The following PCDHA8 variants were observed in gnomAD, a reference collection of about 807,000 sequenced individuals.
The protein encoded by PCDHA8 is protocadherin alpha-8.
PCDHA8 carries 53 observed loss-of-function variants against 61.8 expected under a neutral mutation model. The ratio of observed to expected loss-of-function variants is 0.86; its 90% CI spans 0.69 to 1.08. PCDHA8 has a LOEUF of 1.08. Ranked by LOEUF, PCDHA8 falls within the 50% of genes least tolerant of loss-of-function variation. The pLI is 0.00. For missense variants in PCDHA8, 1,293 were observed against 1,245.0 expected, an observed-to-expected ratio of 1.04 and a Z score of -0.58; for synonymous variants, 618 against 556.6, an observed-to-expected ratio of 1.11 and a Z score of -1.55.
At chr5:140,937,386 G>T (rs1450799946) in intron 1 of PCDHA8, among the ~76,000 whole-genome samples, 2 of 152,092 alleles carry the variant, frequency 1.3e-5, no homozygotes, top group African/African-American at 4.8e-5. Context: ...GTGTGTATGT[G>T]TATATAGGGG....
intron 1 of PCDHA8, among the ~76,000 whole-genome samples, chr5:140,895,632 A>T (rs2065081182): frequency 6.6e-6 from 1 of 152,052 alleles, no homozygotes; most frequent in South Asian, 2.1e-4. Context: ...GTCTTTTCAC[A>T]TTCTTTTTTA....
At chr5:140,918,252 C>T (rs931753296) in intron 1 of PCDHA8, among the ~76,000 whole-genome samples, 1 of 152,078 alleles carries the variant, frequency 6.6e-6, no homozygotes, top group East Asian at 1.9e-4. Context: ...TATGCTGAAA[C>T]TTTGCTGGAG....
intron 1 of PCDHA8, chr5:140,968,154 A>G (rs782200456): frequency 3.7e-6 from 6 of 1,614,162 alleles, no homozygotes; most frequent in South Asian, 1.1e-5. Flanking sequence ...TCTGACATCA[A>G]TGACAATCCA....
At chr5:140,853,141 A>G in intron 1 of PCDHA8, 1 of 767,574 alleles carries the variant, frequency 1.3e-6, no homozygotes, top group Non-Finnish European at 1.6e-6. Flanking sequence ...AGCCTCCCAA[A>G]ATGCTGGGAT....
chr5:140,942,617 TG>T (rs1223896117), intron 1 of PCDHA8, among the ~76,000 whole-genome samples: 4 of 100,138 alleles, frequency 4.0e-5, no homozygotes, highest in Admixed American at 9.6e-5. Flanking sequence ...ATTTGCCAAT[TG>T]TAAAAAAAAA....
chr5:140,850,292 C>G lies in PCDHA8; in HGVS notation c.2394+6577C>G, dbSNP rs2150478092. The stretch of plus-strand genomic sequence containing the variant: ...TGGGGAAGGTGCGCGCAGTGGACGC[C>G]GACTCGGGCTACAACGCGTGGCTTT... On this transcript the variant is annotated intron_variant, in intron 1 of 3. Transcript: ENST00000531613. 30 of 1,595,922 alleles carry G rather than the reference C, an allele frequency of 1.9e-5. 3 individuals are homozygous for G. The highest frequency in any genetic ancestry group is 6.7e-5 in the East Asian group (3 of 44,830).
At chr5:140,855,534 G>C (rs2043511154) in intron 1 of PCDHA8, among the ~76,000 whole-genome samples, 1 of 149,850 alleles carries the variant, frequency 6.7e-6, no homozygotes, top group Non-Finnish European at 1.5e-5. Context: ...AGAGAAGTAA[G>C]TTAAGTGTCA....
At chr5:140,847,483 T>C (rs1445193080) in intron 1 of PCDHA8, 2 of 149,968 alleles carry the variant, frequency 1.3e-5, no homozygotes, top group Non-Finnish European at 3.0e-5. Flanking sequence ...TGGAATAAGA[T>C]AGTAAAACTC....
Position 140,978,996 on chromosome 5 carries a change from A to C in PCDHA8, c.2442A>C (p.Ala814=). Residue 814 remains alanine, a synonymous_variant, in exon 2 of 4, where the codon GCA becomes GCC. Transcript: ENST00000531613. ...GGCGTTACTCTGCCTCCCTGAGAGC[A>C]GGCATGCACAGGTATGTATTTCCCT... ...PDWRYSASLR[A]GMHSSVHLEE... is the part of the protein sequence containing the mutation. 6.2e-7 allele frequency: 1 copy of C among 1,614,186 alleles called. No individual in the cohort carries two copies. The highest frequency in any genetic ancestry group is 8.5e-7 in the Non-Finnish European group (1 of 1,180,024).
At chr5:140,866,291 T>A (rs1193667769) in intron 1 of PCDHA8, 1 of 152,138 alleles carries the variant, frequency 6.6e-6, no homozygotes, top group Non-Finnish European at 1.5e-5. Flanking sequence ...TTGGGACAAG[T>A]ATAGATGTTG....
chr5:140,887,052 G>A (rs1187906559), intron 1 of PCDHA8, among the ~76,000 whole-genome samples: 1 of 151,228 alleles, frequency 6.6e-6, no homozygotes, highest in Non-Finnish European at 1.5e-5. Flanking sequence ...TAGTGCATAT[G>A]TTCTGGCAAC....
intron 1 of PCDHA8, chr5:140,855,848 A>G: frequency 1.5e-6 from 1 of 662,286 alleles, no homozygotes; most frequent in South Asian, 2.3e-5. Context: ...ACCTAAAGCC[A>G]CCGGATGTCG....
At chr5:141,008,502 G>A (rs539439181) in intron 3 of PCDHA8, among the ~76,000 whole-genome samples, 2 of 152,110 alleles carry the variant, frequency 1.3e-5, no homozygotes, top group South Asian at 4.2e-4. Context: ...TATACTTTAT[G>A]GTGTGTCTTC....
chr5:140,971,451 T>C (rs1442240847), intron 1 of PCDHA8, among the ~76,000 whole-genome samples: 2 of 152,110 alleles, frequency 1.3e-5, no homozygotes, highest in East Asian at 1.9e-4. Flanking sequence ...GCTCCAGAAA[T>C]TTTTGCAGTT....
At chr5:140,941,718 T>G (rs910042752) in intron 1 of PCDHA8, among the ~76,000 whole-genome samples, 1 of 152,204 alleles carries the variant, frequency 6.6e-6, no homozygotes, top group African/African-American at 2.4e-5. Context: ...CCACAATTTG[T>G]CCTAGCAGTT....
chr5:140,986,345 C>T (rs1442253492), intron 3 of PCDHA8, among the ~76,000 whole-genome samples: 2 of 152,172 alleles, frequency 1.3e-5, no homozygotes, highest in African/African-American at 4.8e-5. Flanking sequence ...GTTGCAGCCT[C>T]TTCTTCAGAT....
At chr5:140,942,160 A>G (rs782205493) in intron 1 of PCDHA8, among the ~76,000 whole-genome samples, 11 of 152,218 alleles carry the variant, frequency 7.2e-5, no homozygotes, top group Non-Finnish European at 1.5e-4. Context: ...AACAGCTTCC[A>G]TATTTCTCTA....
chr5:140,854,159 CAAAA>C (rs59855104), intron 1 of PCDHA8: 81 of 341,326 alleles, frequency 2.4e-4, no homozygotes, highest in Middle Eastern at 1.4e-3. Flanking sequence ...GATTCTGTCT[CAAAA>C]AAAAAAAAAA....
At chr5:140,969,235 A>G (rs781795606) in intron 1 of PCDHA8, 2 of 1,614,206 alleles carry the variant, frequency 1.2e-6, no homozygotes, top group Non-Finnish European at 1.7e-6. Flanking sequence ...CGGGAGCCCA[A>G]GCAGCAGTGA....
Sources: gnomAD v4.1 joint callset for allele counts (sites outside exome capture counted in the v4.1 genomes callset) on GRCh38, gnomAD v4.1.1 for gene constraint, MANE v1.5 for transcripts, NCBI Gene and HGNC (gene_info 2026-07-23, HGNC 2026-07-21) for gene names.